Variants in RBFOX1 observed in about 807,000 individuals in gnomAD.
RBFOX1 encodes the protein RNA binding protein fox-1 homolog 1.
In RBFOX1, 8 loss-of-function variants were observed where a neutral mutation model predicts 57.7. The observed-to-expected ratio is 0.14, with a 90% CI of 0.08 to 0.25. The LOEUF is 0.25. Ranked by LOEUF, RBFOX1 falls within the 10% of genes least tolerant of loss-of-function variation. The pLI is 1.00. For missense variants in RBFOX1, 611 were observed against 548.5 expected (o/e 1.11, Z -1.14); for synonymous variants, 326 against 222.4 (o/e 1.47, Z -4.15).
chr16:6,987,823 C>A (rs1018137748), intron 3 of RBFOX1, among the ~76,000 whole-genome samples: 1 of 152,034 alleles, frequency 6.6e-6, no homozygotes, highest in Non-Finnish European at 1.5e-5. Context: ...CGTGGAGTGA[C>A]AGAAGAGATT....
chr16:6,709,487 G>A (rs2063353763), intron 3 of RBFOX1, among the ~76,000 whole-genome samples: 1 of 152,178 alleles, frequency 6.6e-6, no homozygotes, highest in African/African-American at 2.4e-5. Flanking sequence ...CTTAAAAAGA[G>A]GGGTTGACCT....
intron 1 of RBFOX1, among the ~76,000 whole-genome samples, chr16:5,267,213 G>C (rs960311514): frequency 9.9e-5 from 15 of 152,194 alleles, no homozygotes; most frequent in African/African-American, 3.4e-4. Context: ...CTAAAATCTT[G>C]TGGATGACTC....
chr16:6,779,417 T>C (rs531463226), intron 3 of RBFOX1, among the ~76,000 whole-genome samples: 3 of 151,888 alleles, frequency 2.0e-5, no homozygotes, highest in Non-Finnish European at 2.9e-5. Context: ...GGTTCATACA[T>C]TGGTGGACAC....
chr16:7,458,223 C>G (rs1361451252), intron 4 of RBFOX1, among the ~76,000 whole-genome samples: 3 of 152,126 alleles, frequency 2.0e-5, no homozygotes, highest in African/African-American at 4.8e-5. Context: ...CTCTGGAGCC[C>G]TAAGTGTGTC....
At chr16:5,836,871 C>T (rs922961397) in intron 3 of RBFOX1, among the ~76,000 whole-genome samples, 1 of 152,196 alleles carries the variant, frequency 6.6e-6, no homozygotes, top group Admixed American at 6.5e-5. Flanking sequence ...CTCTTTCTTG[C>T]TAAGGATCTT....
At chr16:6,662,506 CACTT>C (rs1242123928) in intron 3 of RBFOX1, among the ~76,000 whole-genome samples, 1 of 152,078 alleles carries the variant, frequency 6.6e-6, no homozygotes, top group African/African-American at 2.4e-5. Flanking sequence ...AGTGTTGAAA[CACTT>C]AGATTAGATT....
intron 4 of RBFOX1, among the ~76,000 whole-genome samples, chr16:7,285,120 A>G (rs78119341): frequency 2.5e-5 from 1 of 40,580 alleles, no homozygotes; most frequent in African/African-American, 9.7e-5. Flanking sequence ...ACCTGTTCTT[A>G]TCCTTTATAG....
At chr16:5,654,665 A>G (rs1323204016) in intron 3 of RBFOX1, among the ~76,000 whole-genome samples, 3 of 152,106 alleles carry the variant, frequency 2.0e-5, no homozygotes, top group African/African-American at 7.2e-5. Flanking sequence ...ACAACCTGGC[A>G]TGACAGTCCG....
At chr16:6,761,509 T>TG in intron 3 of RBFOX1, among the ~76,000 whole-genome samples, 1 of 115,132 alleles carries the variant, frequency 8.7e-6, no homozygotes, top group Admixed American at 9.1e-5. Context: ...CCTTTTTTTT[T>TG]TTTTTTTTTT....
At chr16:5,915,193 G>T (rs946663483) in intron 4 of RBFOX1, among the ~76,000 whole-genome samples, 2 of 152,192 alleles carry the variant, frequency 1.3e-5, no homozygotes, top group Non-Finnish European at 2.9e-5. Context: ...GGAGCATCTT[G>T]TTACATCCTC....
chr16:7,638,326 G>C (rs1454766333), intron 11 of RBFOX1, among the ~76,000 whole-genome samples: 12 of 152,102 alleles, frequency 7.9e-5, no homozygotes, highest in Admixed American at 7.9e-4. Flanking sequence ...TTTAGGCTTG[G>C]GGGCGTTAAG....
chr16:6,931,342 C>CT (rs1567942388), intron 3 of RBFOX1, among the ~76,000 whole-genome samples: 1,392 of 110,186 alleles, frequency 0.013, 13 homozygotes, highest in African/African-American at 0.027. Context: ...TCTATCTCTA[C>CT]ACACACACAC....
At chr16:5,541,850 T>G (rs2044966800) in intron 2 of RBFOX1, among the ~76,000 whole-genome samples, 1 of 152,240 alleles carries the variant, frequency 6.6e-6, no homozygotes, top group Admixed American at 6.5e-5. Flanking sequence ...TTGGCTGTTC[T>G]ACGGAAAGCA....
intron 4 of RBFOX1, among the ~76,000 whole-genome samples, chr16:7,362,721 G>A (rs2097353222): frequency 6.6e-6 from 1 of 152,084 alleles, no homozygotes; most frequent in Non-Finnish European, 1.5e-5. Flanking sequence ...GCTAGTGTGT[G>A]CATGTTCTTG....
At position 6,205,909 on chromosome 16, in the gene RBFOX1, CAG is replaced by C. The variant is rs537799223; in HGVS notation, c.-126-111084_-126-111083del. 6.0e-3 allele frequency among the ~76,000 whole-genome samples: 619 copies of C among 102,528 alleles called. 26 individuals are homozygous for C. In the Admixed American group the frequency reaches 0.075, roughly 12 times the overall value. 67.3% of individuals were successfully genotyped at this position (102,528 alleles called of 152,430 possible). A position where few individuals can be genotyped will look rare whatever the true frequency, so the allele number is the denominator to read the frequency against. The stretch of plus-strand genomic sequence containing the variant: ...CTATGTGGAGAGCGTACCTGGAAAA[CAG>C]ATGATTTTGATGTTTTTGATAGCCA... On this transcript the variant is annotated intron_variant, in intron 1 of 15. Coordinates refer to ENST00000550418, the MANE Select transcript of RBFOX1 (RefSeq NM_018723.4).
intron 4 of RBFOX1, among the ~76,000 whole-genome samples, chr16:7,255,417 T>C (rs2094637860): frequency 6.6e-6 from 1 of 152,260 alleles, no homozygotes; most frequent in Non-Finnish European, 1.5e-5. Flanking sequence ...ATTGGTTTAA[T>C]AACATTTTGT....
At chr16:5,886,274 C>T (rs983584390) in intron 4 of RBFOX1, among the ~76,000 whole-genome samples, 2 of 152,124 alleles carry the variant, frequency 1.3e-5, no homozygotes, top group Admixed American at 1.3e-4. Flanking sequence ...CCTCTGTATC[C>T]CTCTGTCCTT....
At chr16:6,993,448 T>A (rs1370595709) in intron 3 of RBFOX1, among the ~76,000 whole-genome samples, 2 of 152,154 alleles carry the variant, frequency 1.3e-5, no homozygotes, top group African/African-American at 4.8e-5. Flanking sequence ...GGCTGAGGGA[T>A]CCATCAGAGT....
At chr16:5,711,091 T>C (rs1040702134) in intron 3 of RBFOX1, among the ~76,000 whole-genome samples, 5 of 152,196 alleles carry the variant, frequency 3.3e-5, no homozygotes, top group African/African-American at 9.6e-5. Flanking sequence ...CAAATTATTG[T>C]AGTAATGATT....
Sources: allele counts gnomAD v4.1 joint callset (sites outside exome capture counted in the v4.1 genomes callset), GRCh38; gene constraint gnomAD v4.1.1; transcripts MANE v1.5; gene names NCBI Gene and HGNC (gene_info 2026-07-23, HGNC 2026-07-21).